OPA3: variants seen among roughly 807,000 people sequenced by gnomAD.
OPA3 encodes the protein outer mitochondrial membrane lipid metabolism regulator OPA3.
In OPA3, 6 loss-of-function variants were observed where a neutral mutation model predicts 4.0. That is an observed-to-expected ratio of 1.51 (90% CI 0.83 to 2.99). The LOEUF (loss-of-function observed/expected upper bound fraction) is 2.99, where lower values mean the gene tolerates loss of function less well. Among genes scored for constraint, OPA3 ranks in the 30% most tolerant of loss-of-function variants. The pLI is 0.00. For missense variants in OPA3, 235 were observed against 256.2 expected, an observed-to-expected ratio of 0.92 and a Z score of 0.56; for synonymous variants, 105 against 117.1, an observed-to-expected ratio of 0.90 and a Z score of 0.67.
rs1969294382 is a variant in OPA3 at position 45,549,078 on chromosome 19, TA to T, written c.*4435del. ...CCCTGGCCTCCCAAAGTGCTAGGAT[TA>T]CAGGTGTGAGCCACTGCGCCCAGTC... On this transcript the variant is annotated 3_prime_UTR_variant, in exon 2 of 2. Transcript: ENST00000263275. 1 of 978,136 alleles carries T rather than the reference TA, an allele frequency of 1.0e-6. No homozygotes were observed. The highest frequency in any genetic ancestry group is 1.2e-6 in the Non-Finnish European group (1 of 823,498). 60.6% of individuals were successfully genotyped at this position (978,136 alleles called of 1,614,324 possible). A position where few individuals can be genotyped will look rare whatever the true frequency, so the allele number is the denominator to read the frequency against.
chr19:45,534,394 T>G (rs886743602), intron 1 of OPA3, among the ~76,000 whole-genome samples: 1 of 151,692 alleles, frequency 6.6e-6, no homozygotes, highest in African/African-American at 2.4e-5. Context: ...AAACCCCATC[T>G]CCACTAAAAA....
At chr19:45,541,907 C>G (rs2122397900), downstream of OPA3, among the ~76,000 whole-genome samples, 1 of 152,208 alleles carries the variant, frequency 6.6e-6, no homozygotes, top group South Asian at 2.1e-4. Context: ...TACGAAGAGA[C>G]CCCTAGGATC....
At chr19:45,558,333 AAAAAG>A (rs952525076) in intron 1 of OPA3, among the ~76,000 whole-genome samples, 9 of 152,252 alleles carry the variant, frequency 5.9e-5, no homozygotes, top group African/African-American at 2.2e-4. Context: ...ACTGTCTCAA[AAAAAG>A]AAAAGAAAAG....
intron 1 of OPA3, among the ~76,000 whole-genome samples, chr19:45,574,900 C>T (rs145982418): frequency 1.3e-5 from 2 of 152,240 alleles, no homozygotes; most frequent in Non-Finnish European, 2.9e-5. Flanking sequence ...GCAGGAAAGA[C>T]CACGTGGAGA....
chr19:45,529,232 G>A, exon 2 of OPA3: 1 of 1,612,896 alleles, frequency 6.2e-7, no homozygotes, highest in Admixed American at 1.7e-5. Flanking sequence ...ACCTCGCCCC[G>A]CAGCGCCTCC....
chr19:45,528,577 G>C (rs1969019991), exon 2 of OPA3: 1 of 165,142 alleles, frequency 6.1e-6, no homozygotes, highest in Admixed American at 5.9e-5. Flanking sequence ...GTACCAATGA[G>C]GAGGAGGTAG....
At chr19:45,579,113 G>A (rs980320212) in intron 1 of OPA3, among the ~76,000 whole-genome samples, 3 of 152,090 alleles carry the variant, frequency 2.0e-5, no homozygotes, top group African/African-American at 2.4e-5. Context: ...TATTTTCAGT[G>A]AGTTCTCCCT....
At position 45,548,654 on chromosome 19, in the gene OPA3, T is replaced by C. The variant is rs1244484570; in HGVS notation, c.*4860A>G. Reference sequence around the variant, plus strand: ...TAACTCAGTGAGTTTTGTGTTTTATTTTTTTTATTTTTTTTTTTTTTGCGG... The same window carrying C: ...TAACTCAGTGAGTTTTGTGTTTTATCTTTTTTATTTTTTTTTTTTTTGCGG... On this transcript the variant is annotated 3_prime_UTR_variant, in exon 2 of 2. Transcript: ENST00000263275. 1.5e-6 allele frequency: 1 copy of C among 676,272 alleles called. No homozygotes were observed. Among genetic ancestry groups the C allele is most frequent in the Non-Finnish European group, 1.7e-6 (1 of 592,314 alleles). The allele number at this position is 676,272 out of a possible 1,614,324, so 41.9% of individuals were successfully genotyped here.
chr19:45,581,693 CAAG>C (rs1289464211), intron 1 of OPA3, among the ~76,000 whole-genome samples: 1 of 152,196 alleles, frequency 6.6e-6, no homozygotes, highest in Non-Finnish European at 1.5e-5. Flanking sequence ...TGTAACCGCC[CAAG>C]GAGTTCACCT....
Position 45,548,253 on chromosome 19 carries a change from A to C in OPA3, c.*5261T>G. 1 of 985,574 alleles carries C rather than the reference A, an allele frequency of 1.0e-6. No individual in the cohort carries two copies. The highest frequency in any genetic ancestry group is 1.2e-6 in the Non-Finnish European group (1 of 829,950). 61.1% of individuals were successfully genotyped at this position (985,574 alleles called of 1,614,324 possible). A position where few individuals can be genotyped will look rare whatever the true frequency, so the allele number is the denominator to read the frequency against. On this transcript the variant is annotated 3_prime_UTR_variant, in exon 2 of 2. Coordinates refer to ENST00000263275, the MANE Select transcript of OPA3 (RefSeq NM_025136.4). ...GAGTAGCTCCGTGAGCCAATAGATC[A>C]GGTTGGGGCTTATGTAAAGCCCATT...
chr19:45,554,019 T>G, intron 1 of OPA3, 108 bp from the exon 2 acceptor site: 1 of 837,598 alleles, frequency 1.2e-6, no homozygotes, highest in Non-Finnish European at 1.9e-6. Flanking sequence ...AGGGGTCTTT[T>G]AAAAGACCAG....
chr19:45,553,158 C>T lies in OPA3; in HGVS notation c.*356G>A. 7.9e-7 allele frequency: 1 copy of T among 1,258,820 alleles called. No individual in the cohort carries two copies. Among genetic ancestry groups the T allele is most frequent in the Non-Finnish European group, 1.0e-6 (1 of 991,142 alleles). 78.0% of individuals were successfully genotyped at this position (1,258,820 alleles called of 1,614,324 possible). ...TGTCCCAGTAAAGGTTAACACTGAT[C>T]AGGTAAACCGGGGGTGGGGGTAACA... is the stretch of plus-strand genomic sequence containing the variant. On this transcript the variant is annotated 3_prime_UTR_variant, in exon 2 of 2. Transcript: ENST00000263275.
intron 1 of OPA3, among the ~76,000 whole-genome samples, chr19:45,575,446 A>G (rs2122503406): frequency 6.6e-6 from 1 of 152,212 alleles, no homozygotes; most frequent in East Asian, 1.9e-4. Flanking sequence ...GTAGAAAAAG[A>G]AAACTGAAAC....
At chr19:45,540,847 C>G (rs1164293272) in intron 1 of OPA3, among the ~76,000 whole-genome samples, 1 of 152,050 alleles carries the variant, frequency 6.6e-6, no homozygotes, top group African/African-American at 2.4e-5. Flanking sequence ...GGTCCAGGAC[C>G]TCTCTCACTG....
rs1277205649 is a variant in OPA3 at position 45,552,280 on chromosome 19, T to C, written c.*1234A>G. On this transcript the variant is annotated 3_prime_UTR_variant, in exon 2 of 2. Transcript: ENST00000263275. ...TGGCATGCAATTGCGCAATCTCGGC[T>C]CACTGCAACCTCTGCCTCCCGGGTT... 15 of 856,146 alleles carry C rather than the reference T, an allele frequency of 1.8e-5. No individual in the cohort carries two copies. The highest frequency in any genetic ancestry group is 1.8e-5 in the African/African-American group (1 of 54,646). 53.0% of individuals were successfully genotyped at this position (856,146 alleles called of 1,614,324 possible).
chr19:45,553,698 C>G lies in OPA3; in HGVS notation c.356G>C (p.Trp119Ser). Residue 119 changes from tryptophan (W) to serine (S), a missense_variant, in exon 2 of 2, where the codon TGG (tryptophan) becomes TCG (serine). By Grantham distance (177) the Trp-to-Ser change is radical (BLOSUM62 -3). Transcript: ENST00000263275. ...GCCCACCTCGTCCCGCAGCGCGTTC[C>G]AGGCAGCACGCTGCTCCTCCTCCTT... ...RHKEEEQRAA[W>S]NALRDEVGHL... The G allele has an allele frequency of 1.4e-5, 22 of 1,607,546 alleles. No individual in the cohort carries two copies. Among genetic ancestry groups the G allele is most frequent in the Non-Finnish European group, 1.8e-5 (21 of 1,179,050 alleles).
At chr19:45,535,765 T>TC (rs1555730709) in intron 1 of OPA3, among the ~76,000 whole-genome samples, 1 of 139,142 alleles carries the variant, frequency 7.2e-6, no homozygotes, top group Non-Finnish European at 1.5e-5. Flanking sequence ...TTCTTTTCTT[T>TC]TTTTTTTTTT....
At position 45,561,950 on chromosome 19, in the gene OPA3, T is replaced by C. The variant is rs558825902; in HGVS notation, c.143-8039A>G. Among the ~76,000 whole-genome samples, 21 of 146,124 alleles carry C rather than the reference T, an allele frequency of 1.4e-4. 1 individual carries two copies. The East Asian group carries it at 4.2e-3, about 29-fold the overall frequency. ...ACAGAGCGACACTCCGTCTCAAAAA[T>C]AAATAAATAAATAATAAAATAAAAT... is the stretch of plus-strand genomic sequence containing the variant. On this transcript the variant is annotated intron_variant, in intron 1 of 1. Transcript: ENST00000263275.
At chr19:45,579,444 C>G (rs969241738) in intron 1 of OPA3, among the ~76,000 whole-genome samples, 1 of 152,026 alleles carries the variant, frequency 6.6e-6, no homozygotes. Flanking sequence ...TGGTCTCAAA[C>G]TCCTGACCTC....
Sources: allele counts gnomAD v4.1 joint callset (sites outside exome capture counted in the v4.1 genomes callset), GRCh38; gene constraint gnomAD v4.1.1; transcripts MANE v1.5; gene names NCBI Gene and HGNC (gene_info 2026-07-23, HGNC 2026-07-21).